Variants in UBR2 observed in about 807,000 individuals in gnomAD.
UBR2 encodes ubiquitin protein ligase E3 component n-recognin 2.
UBR2 carries 92 observed loss-of-function variants against 247.9 expected under a neutral mutation model. That is an observed-to-expected ratio of 0.37 (90% CI 0.31 to 0.44). UBR2 has a LOEUF of 0.44. UBR2 is among the 20% of genes least tolerant of loss of function. The pLI, the probability that UBR2 is intolerant of heterozygous loss-of-function variation, is 1.00. For synonymous variants in UBR2, 672 were observed against 693.5 expected, an observed-to-expected ratio of 0.97 and a Z score of 0.49; for missense variants, 1,613 against 2,112.6, an observed-to-expected ratio of 0.76 and a Z score of 4.64.
In UBR2 at chr6:42,692,878, A is replaced by G. The variant is rs1799815247; in HGVS notation, c.*1705A>G. 1.3e-5 allele frequency: 2 copies of G among 152,204 alleles called. No individual in the cohort carries two copies. Among genetic ancestry groups the G allele is most frequent in the Non-Finnish European group, 2.9e-5 (2 of 68,036 alleles). 9.4% of individuals were successfully genotyped at this position (152,204 alleles called of 1,614,324 possible). On this transcript the variant is annotated 3_prime_UTR_variant, in exon 47 of 47. Coordinates refer to ENST00000372901, the MANE Select transcript of UBR2 (RefSeq NM_001363705.2). ...GCTGAGAGGAGGACCAATAGAAAGA[A>G]AATTCACATTTGAGTCCACCTCTCT... is the stretch of plus-strand genomic sequence containing the variant.
At chr6:42,688,163 G>C in intron 44 of UBR2, 53 bp from the exon 45 acceptor site, 2 of 1,611,442 alleles carry the variant, frequency 1.2e-6, no homozygotes, top group Admixed American at 3.3e-5. Flanking sequence ...TTCATCACTA[G>C]CTCTTTAGCC....
At chr6:42,688,577 T>C (rs1799578417) in intron 45 of UBR2, among the ~76,000 whole-genome samples, 191 bp downstream of exon 45, 1 of 152,224 alleles carries the variant, frequency 6.6e-6, no homozygotes, top group Non-Finnish European at 1.5e-5. Flanking sequence ...GGTTCTTTTA[T>C]TGTTACCATT....
rs746791365 is a variant in UBR2, at chr6:42,632,528, C to CA, written c.1282-23dup. 2.9e-5 allele frequency: 45 copies of CA among 1,566,568 alleles called. No homozygotes were observed. In the Admixed American group the frequency reaches 8.0e-4, roughly 28 times the overall value. The stretch of plus-strand genomic sequence containing the variant: ...TAGTACATAGTTTTTGATTACCATG[C>CA]ACTCTGATAAACTTTGTTTTTAGGC... On this transcript the variant is annotated intron_variant, in intron 11 of 46. Transcript: ENST00000372901.
At chr6:42,578,971 AAACACAC>A (rs1562279222) in intron 2 of UBR2, among the ~76,000 whole-genome samples, 2 of 89,222 alleles carry the variant, frequency 2.2e-5, no homozygotes, top group Non-Finnish European at 4.6e-5. Context: ...ACACACACAC[AAACACAC>A]ACACACACAC....
chr6:42,564,383 G>C lies in UBR2; in HGVS notation c.64G>C (p.Glu22Gln). 6.2e-7 allele frequency: 1 copy of C among 1,610,418 alleles called. No homozygotes were observed. Residue 22 changes from glutamate (E) to glutamine (Q), a missense_variant, in exon 1 of 47, where the codon GAG (glutamate) becomes CAG (glutamine). Coordinates refer to ENST00000372901, the MANE Select transcript of UBR2 (RefSeq NM_001363705.2). Reference protein sequence around the residue: ...IDRSLLECSAEEIAGKWLQAT... With the variant: ...IDRSLLECSAQEIAGKWLQAT... Reference sequence around the variant, plus strand: ...CCGGAGCTTGCTGGAATGTTCGGCCGAGGAGATTGCGGGGGTGAGTGCCGG... The same window carrying C: ...CCGGAGCTTGCTGGAATGTTCGGCCCAGGAGATTGCGGGGGTGAGTGCCGG...
intron 25 of UBR2, 121 bp downstream of exon 25, chr6:42,652,766 T>G: frequency 1.1e-6 from 1 of 932,142 alleles, no homozygotes; most frequent in South Asian, 1.7e-5. Flanking sequence ...CTAACTTGAA[T>G]ATATTGTTAC....
chr6:42,599,357 A>T (rs1221393064), intron 4 of UBR2, among the ~76,000 whole-genome samples: 1 of 152,174 alleles, frequency 6.6e-6, no homozygotes. Flanking sequence ...CTTTGAGCCC[A>T]GGAGTTTGAG....
intron 11 of UBR2, among the ~76,000 whole-genome samples, chr6:42,629,317 G>A (rs1382909777): frequency 6.6e-6 from 1 of 151,624 alleles, no homozygotes; most frequent in African/African-American, 2.4e-5. Context: ...GTGCCCGGCT[G>A]ATAGTGGTAA....
At chr6:42,595,155 T>A (rs73438698) in intron 4 of UBR2, among the ~76,000 whole-genome samples, 3,538 of 152,238 alleles carry the variant, frequency 0.023, 120 homozygotes, top group African/African-American at 0.08. Flanking sequence ...ATTATTTGGT[T>A]TTGGAAACCT....
In UBR2 at chr6:42,691,799, T is replaced by TA; in HGVS notation, c.*626_*627insA. ...TGTTAGAGGTTTTTTTTTTTTCTTT[T>TA]TTTTTTTATGGCAAGACTTTTGGCT... On this transcript the variant is annotated 3_prime_UTR_variant, in exon 47 of 47. Coordinates refer to ENST00000372901, the MANE Select transcript of UBR2 (RefSeq NM_001363705.2). The TA allele has an allele frequency of 7.1e-6, 1 of 141,040 alleles. No individual in the cohort carries two copies. Among genetic ancestry groups the TA allele is most frequent in the South Asian group, 2.3e-4 (1 of 4,300 alleles). 8.7% of individuals were successfully genotyped at this position (141,040 alleles called of 1,614,324 possible).
At chr6:42,591,966 A>G (rs1792692426) in intron 2 of UBR2, among the ~76,000 whole-genome samples, 185 bp from the exon 3 acceptor site, 1 of 152,186 alleles carries the variant, frequency 6.6e-6, no homozygotes, top group Non-Finnish European at 1.5e-5. Context: ...ATGGAGACGC[A>G]GGTCCTTAAA....
At chr6:42,644,803 G>A (rs1487909807) in intron 20 of UBR2, among the ~76,000 whole-genome samples, 3 of 152,122 alleles carry the variant, frequency 2.0e-5, no homozygotes, top group Non-Finnish European at 4.4e-5. Flanking sequence ...GGTAGGGGGA[G>A]CGGGGGACAG....
intron 11 of UBR2, chr6:42,619,429 AT>A (rs1794775979): frequency 6.5e-5 from 1 of 15,332 alleles, no homozygotes; most frequent in African/African-American, 2.8e-4. Context: ...ATATATATAT[AT>A]ATATATATAT....
At chr6:42,617,993 T>C (rs1794668167) in intron 11 of UBR2, among the ~76,000 whole-genome samples, 1 of 152,228 alleles carries the variant, frequency 6.6e-6, no homozygotes, top group African/African-American at 2.4e-5. Context: ...CATCGTTATG[T>C]TTTAACGCTA....
intron 11 of UBR2, among the ~76,000 whole-genome samples, chr6:42,620,508 T>G (rs1390835641): frequency 1.4e-5 from 2 of 143,356 alleles, no homozygotes; most frequent in East Asian, 2.1e-4. Flanking sequence ...TTGTTTTTGT[T>G]TTTTTTTAAG....
intron 25 of UBR2, among the ~76,000 whole-genome samples, chr6:42,655,342 G>A (rs754807602): frequency 1.3e-5 from 2 of 151,708 alleles, no homozygotes; most frequent in African/African-American, 2.4e-5. Flanking sequence ...GCCGGGTGTG[G>A]TGGCACGCGC....
rs777596908 is a variant in UBR2, at chr6:42,616,114, A to T, written c.1182+24A>T. On this transcript the variant is annotated intron_variant, in intron 10 of 46. Transcript: ENST00000372901. ...AAGTAAGTGGCTTTTCAATTTTGAA[A>T]ATAGGTTATATATAGAGTAACTATG... 9.7e-6 allele frequency: 15 copies of T among 1,549,874 alleles called. No individual in the cohort carries two copies. In the South Asian group the frequency reaches 1.7e-4, roughly 18 times the overall value.
chr6:42,574,247 T>TTGA (rs1791356184), intron 2 of UBR2, among the ~76,000 whole-genome samples: 3 of 152,222 alleles, frequency 2.0e-5, no homozygotes, highest in Non-Finnish European at 4.4e-5. Context: ...AACTGACATC[T>TTGA]TGACTCTTGC....
rs1169425333 is a variant in UBR2 at position 42,608,462 on chromosome 6, C to CA, written c.864+1820dup. ...GCAACAGAGCAAGACCCCGACTCTA[C>CA]AAAAAAAAATTTAAAAAATTAGCCA... On this transcript the variant is annotated intron_variant, in intron 7 of 46. Coordinates refer to ENST00000372901, the MANE Select transcript of UBR2 (RefSeq NM_001363705.2). Among the ~76,000 whole-genome samples the CA allele has an allele frequency of 4.0e-5, 6 of 151,176 alleles. No individual in the cohort carries two copies. The South Asian group carries it at 6.3e-4, about 16-fold the overall frequency.
Sources: gnomAD v4.1 joint callset for allele counts (sites outside exome capture counted in the v4.1 genomes callset) on GRCh38, gnomAD v4.1.1 for gene constraint, MANE v1.5 for transcripts, NCBI Gene and HGNC (gene_info 2026-07-23, HGNC 2026-07-21) for gene names.